The following SLIT1 variants were observed in gnomAD, a reference collection of about 807,000 sequenced individuals.
SLIT1 encodes slit homolog 1 protein.
SLIT1 carries 66 observed loss-of-function variants against 186.1 expected under a neutral mutation model. The ratio of observed to expected loss-of-function variants is 0.35; its 90% CI spans 0.29 to 0.44. SLIT1 has a LOEUF of 0.44. Among genes scored for constraint, SLIT1 ranks in the 20% least tolerant of loss-of-function variants. The pLI is 1.00. For synonymous variants in SLIT1, 761 were observed against 833.8 expected (o/e 0.91, Z 1.50); for missense variants, 1,638 against 2,037.4 (o/e 0.80, Z 3.77).
rs1370825786 is a variant in SLIT1, at chr10:97,045,416, G to A, written c.1853+1238C>T. Among the ~76,000 whole-genome samples, 10 of 152,210 alleles carry A rather than the reference G, an allele frequency of 6.6e-5. 1 individual carries two copies. Among genetic ancestry groups the A allele is most frequent in the Admixed American group, 6.5e-4 (10 of 15,290 alleles). On this transcript the variant is annotated intron_variant, in intron 18 of 36. Coordinates refer to ENST00000266058, the MANE Select transcript of SLIT1 (RefSeq NM_003061.3). ...TCCATTAGAATATTTCTGTATGCGT[G>A]CATGCTTGTATGTATGTATGTGTGT...
At position 97,006,775 on chromosome 10, in the gene SLIT1, TCTCCCACAG is replaced by T; in HGVS notation, c.3342-64_3342-56del. 6.6e-6 allele frequency: 8 copies of T among 1,203,658 alleles called. No individual in the cohort carries two copies. Among genetic ancestry groups the T allele is most frequent in the South Asian group, 1.2e-5 (1 of 80,014 alleles). The allele number at this position is 1,203,658 out of a possible 1,614,324, so 74.6% of individuals were successfully genotyped here. A position where few individuals can be genotyped will look rare whatever the true frequency, so the allele number is the denominator to read the frequency against. On this transcript the variant is annotated intron_variant, in intron 31 of 36. Coordinates refer to ENST00000266058, the MANE Select transcript of SLIT1 (RefSeq NM_003061.3). The surrounding 1 kb of genome is among the most constrained non-coding windows in gnomAD (Gnocchi z 4.0). ...GCCAAGGAGGAAGGGAGTATCTTCC[TCTCCCACAG>T]CCCTGGAGAGAAATTCACTAAACAT...
intron 4 of SLIT1, among the ~76,000 whole-genome samples, chr10:97,147,633 AG>A (rs967028509): frequency 1.4e-5 from 2 of 144,234 alleles, no homozygotes; most frequent in Non-Finnish European, 3.0e-5. Flanking sequence ...GAGAGCTGGG[AG>A]GGGGGGGAAG....
At chr10:97,083,939 C>T (rs1039740528) in intron 4 of SLIT1, among the ~76,000 whole-genome samples, 2 of 152,158 alleles carry the variant, frequency 1.3e-5, no homozygotes, top group Non-Finnish European at 2.9e-5. Flanking sequence ...TGACTTCTCA[C>T]AGTCTTTGGC....
At chr10:97,024,538 A>G (rs975900153) in intron 25 of SLIT1, among the ~76,000 whole-genome samples, 2 of 152,194 alleles carry the variant, frequency 1.3e-5, no homozygotes, top group Admixed American at 1.3e-4. Flanking sequence ...GACAGCATCC[A>G]TCCTGGCTAA....
At chr10:97,131,953 G>A (rs1215991088) in intron 4 of SLIT1, among the ~76,000 whole-genome samples, 8 of 152,184 alleles carry the variant, frequency 5.3e-5, no homozygotes, top group African/African-American at 1.2e-4. Context: ...AACCCAGCCC[G>A]GCCCCCAAGT....
At chr10:97,048,934 G>T in intron 14 of SLIT1, 21 bp downstream of exon 14, 2 of 1,601,862 alleles carry the variant, frequency 1.2e-6, no homozygotes, top group Non-Finnish European at 8.5e-7. Context: ...CAGGTGGGCA[G>T]GTGGGCAGGC....
chr10:97,064,282 G>A (rs1405178642), intron 6 of SLIT1, 43 bp from the exon 7 acceptor site: 1 of 1,548,484 alleles, frequency 6.5e-7, no homozygotes, highest in Admixed American at 1.7e-5. Context: ...TGCCCAGCAG[G>A]AGATGATGTG....
At chr10:97,049,447 C>T (rs559505217) in intron 13 of SLIT1, among the ~76,000 whole-genome samples, 13 of 152,314 alleles carry the variant, frequency 8.5e-5, no homozygotes, top group Admixed American at 3.9e-4. Flanking sequence ...CGAGCACGAG[C>T]GGAGACAGGA....
intron 14 of SLIT1, 57 bp from the exon 15 acceptor site, chr10:97,048,053 A>G: frequency 6.3e-7 from 1 of 1,593,730 alleles, no homozygotes; most frequent in African/African-American, 1.3e-5. Context: ...CTGCAGTAAC[A>G]GCCCAGGCCC....
intron 4 of SLIT1, among the ~76,000 whole-genome samples, chr10:97,147,000 A>G (rs1397592267): frequency 6.6e-6 from 1 of 152,170 alleles, no homozygotes; most frequent in Non-Finnish European, 1.5e-5. Context: ...AACTGCTAAA[A>G]GGGCACTGAG....
chr10:97,107,138 A>G (rs972152356), intron 4 of SLIT1, among the ~76,000 whole-genome samples: 2 of 152,238 alleles, frequency 1.3e-5, no homozygotes, highest in African/African-American at 2.4e-5. Context: ...CAACAGGGAT[A>G]CCATCAGGAA....
intron 25 of SLIT1, among the ~76,000 whole-genome samples, chr10:97,026,147 T>C (rs973038354): frequency 3.3e-5 from 5 of 152,214 alleles, no homozygotes; most frequent in African/African-American, 1.2e-4. Flanking sequence ...GTCTACTTTA[T>C]TCTAGGTTTT....
At chr10:97,082,725 C>G (rs190640694) in intron 4 of SLIT1, among the ~76,000 whole-genome samples, 68 of 152,280 alleles carry the variant, frequency 4.5e-4, no homozygotes, top group African/African-American at 1.5e-3. Flanking sequence ...TGAGCCACCA[C>G]GCCCAGCCTC....
chr10:97,106,368 G>T (rs1031262007), intron 4 of SLIT1, among the ~76,000 whole-genome samples: 3 of 147,164 alleles, frequency 2.0e-5, no homozygotes, highest in Non-Finnish European at 4.5e-5. Flanking sequence ...AAGAGACTAG[G>T]GGAGGGAGAG....
chr10:97,001,942 C>T (rs182544574), intron 36 of SLIT1, among the ~76,000 whole-genome samples: 46 of 152,136 alleles, frequency 3.0e-4, no homozygotes, highest in African/African-American at 1.1e-3. Flanking sequence ...CCAGAAGAGG[C>T]GCATACCCTG....
Position 97,076,988 on chromosome 10 carries a change from G to A in SLIT1, c.414-10902C>T, listed in dbSNP as rs116007893. Among the ~76,000 whole-genome samples, 1,051 of 152,258 alleles carry A rather than the reference G, an allele frequency of 6.9e-3. 12 individuals carry two copies. Among genetic ancestry groups the A allele is most frequent in the African/African-American group, 0.024 (990 of 41,548 alleles). On this transcript the variant is annotated intron_variant, in intron 4 of 36. Coordinates refer to ENST00000266058, the MANE Select transcript of SLIT1 (RefSeq NM_003061.3). Reference sequence around the variant, plus strand: ...TCTTGTGAAAATACAGGACGGAACCGGGGGCCGTGGCTCACACCTATAATT... The same window carrying A: ...TCTTGTGAAAATACAGGACGGAACCAGGGGCCGTGGCTCACACCTATAATT...
chr10:97,148,872 C>T (rs1321725875), intron 4 of SLIT1, among the ~76,000 whole-genome samples: 3 of 152,242 alleles, frequency 2.0e-5, no homozygotes, highest in Admixed American at 1.3e-4. Flanking sequence ...CCTGCACGCA[C>T]GCCTCTCTAT....
intron 4 of SLIT1, chr10:97,102,736 T>C (rs938983689): frequency 6.6e-6 from 1 of 152,260 alleles, no homozygotes; most frequent in African/African-American, 2.4e-5. Context: ...GCCACCAGGT[T>C]GGGAGACCTG....
At chr10:97,066,765 G>A (rs906972734) in intron 4 of SLIT1, among the ~76,000 whole-genome samples, 4 of 152,198 alleles carry the variant, frequency 2.6e-5, no homozygotes, top group Admixed American at 6.5e-5. Flanking sequence ...ACCCAGTCTC[G>A]GCACTTCTTT....
Sources: gnomAD v4.1 joint callset for allele counts (sites outside exome capture counted in the v4.1 genomes callset) on GRCh38, gnomAD v4.1.1 for gene constraint, Gnocchi (gnomAD v3.1) non-coding constraint, MANE v1.5 for transcripts, NCBI Gene and HGNC (gene_info 2026-07-23, HGNC 2026-07-21) for gene names.